The following NPIPB2 variants were observed in gnomAD, a reference collection of about 807,000 sequenced individuals.
The protein encoded by NPIPB2 is nuclear pore complex-interacting protein family member B2.
Under a neutral mutation model 30.8 loss-of-function variants are expected in NPIPB2, and 27 were observed. The ratio of observed to expected loss-of-function variants is 0.88; its 90% CI spans 0.65 to 1.21. The LOEUF (loss-of-function observed/expected upper bound fraction) is 1.21. NPIPB2 is among the 50% of genes most tolerant of loss of function. The probability of loss-of-function intolerance (pLI) is 0.00; values close to 1 mark genes in which losing one functional copy is unlikely to be tolerated. For missense variants in NPIPB2, 440 were observed against 446.2 expected (o/e 0.99, Z 0.13); for synonymous variants, 147 against 162.0 (o/e 0.91, Z 0.70).
rs1167615155 is a variant in NPIPB2 at position 11,974,730 on chromosome 16, C to T, written c.-584+1838G>A. Among the ~76,000 whole-genome samples, 4 of 152,068 alleles carry T rather than the reference C, an allele frequency of 2.6e-5. No individual in the cohort carries two copies. The South Asian group carries it at 8.3e-4, about 31-fold the overall frequency. ...GTGGGCAAAACAAGTTGGGAAAATACTCCTTCAGTCCCTTTTCCCCGATGT... is the reference window on the plus strand; with the variant it reads ...GTGGGCAAAACAAGTTGGGAAAATATTCCTTCAGTCCCTTTTCCCCGATGT... On this transcript the variant is annotated intron_variant, in intron 1 of 5. Coordinates refer to the NPIPB2 transcript ENST00000538896.
exon 4 of NPIPB2, chr16:11,933,517 T>C: frequency 6.3e-7 from 1 of 1,596,956 alleles, no homozygotes; most frequent in Non-Finnish European, 8.5e-7. Flanking sequence ...CACATCTTAC[T>C]GTTTTTTGGC....
At chr16:11,943,602 T>G (rs1267734964), upstream of NPIPB2, among the ~76,000 whole-genome samples, 3 of 150,640 alleles carry the variant, frequency 2.0e-5, no homozygotes, top group East Asian at 2.0e-4. Flanking sequence ...CTCAGAAGGC[T>G]GAGGCAGGAC....
At position 11,938,175 on chromosome 16, in the gene NPIPB2, T is replaced by G. The variant is rs1341347656; in HGVS notation, c.64-507A>C. On this transcript the variant is annotated intron_variant, in intron 1 of 7. Coordinates refer to ENST00000399147, the Ensembl canonical transcript of NPIPB2. ...CTGAGATTACAGGTCTCTGCCACCA[T>G]GCCCGACTAATTTTTGTATTTTTAG... Among the ~76,000 whole-genome samples, 13 of 151,922 alleles carry G rather than the reference T, an allele frequency of 8.6e-5. No individual in the cohort carries two copies. The East Asian group carries it at 2.5e-3, about 30-fold the overall frequency.
intron 1 of NPIPB2, among the ~76,000 whole-genome samples, chr16:11,940,553 A>G (rs985018101): frequency 9.3e-5 from 10 of 107,692 alleles, no homozygotes; most frequent in African/African-American, 2.3e-4. Context: ...CCTGGCGAAC[A>G]TGGTGAAACC....
At chr16:11,935,171 G>A (rs1260722753) in intron 2 of NPIPB2, among the ~76,000 whole-genome samples, 4 of 146,980 alleles carry the variant, frequency 2.7e-5, no homozygotes, top group Non-Finnish European at 4.5e-5. Flanking sequence ...ACTAATGACT[G>A]AATTCCCACC....
intron 1 of NPIPB2, among the ~76,000 whole-genome samples, chr16:11,971,942 T>A (rs1287958423): frequency 6.6e-6 from 1 of 151,448 alleles, no homozygotes; most frequent in Non-Finnish European, 1.5e-5. Context: ...GTCAGGAGTT[T>A]GAGACCAGCA....
At chr16:11,967,398 T>A (rs140621666) in intron 1 of NPIPB2, among the ~76,000 whole-genome samples, 1 of 152,142 alleles carries the variant, frequency 6.6e-6, no homozygotes, top group Admixed American at 6.6e-5. Context: ...CGTGGGAGGA[T>A]TGCTTGAGCC....
intron 1 of NPIPB2, among the ~76,000 whole-genome samples, chr16:11,947,326 A>ATTTATT (rs1567471976): frequency 1.5e-4 from 12 of 82,690 alleles, no homozygotes; most frequent in African/African-American, 5.2e-4. Context: ...ATTTATTTAT[A>ATTTATT]TATATATATA....
At chr16:11,972,693 T>C (rs1332556170) in intron 1 of NPIPB2, among the ~76,000 whole-genome samples, 1 of 147,970 alleles carries the variant, frequency 6.8e-6, no homozygotes, top group African/African-American at 2.5e-5. Flanking sequence ...GCCAACATGG[T>C]GAAACCCCGT....
chr16:11,950,815 T>C (rs1303996783), intron 1 of NPIPB2, among the ~76,000 whole-genome samples: 1 of 152,096 alleles, frequency 6.6e-6, no homozygotes, highest in Non-Finnish European at 1.5e-5. Flanking sequence ...AAAGTTCTCT[T>C]TCTTCGTGGA....
intron 1 of NPIPB2, among the ~76,000 whole-genome samples, chr16:11,958,061 T>C (rs562633690): frequency 6.6e-6 from 1 of 152,302 alleles, no homozygotes; most frequent in Admixed American, 6.5e-5. Flanking sequence ...AATCCTATGA[T>C]GAGAACTTTC....
intron 1 of NPIPB2, among the ~76,000 whole-genome samples, chr16:11,975,367 TC>T (rs1179399167): frequency 6.7e-6 from 1 of 149,694 alleles, no homozygotes; most frequent in East Asian, 2.0e-4. Flanking sequence ...CGGGATGGTC[TC>T]GATCTCCTGA....
intron 1 of NPIPB2, among the ~76,000 whole-genome samples, chr16:11,955,353 C>CAAAA (rs34066078): frequency 1.3e-4 from 6 of 46,572 alleles, no homozygotes; most frequent in African/African-American, 3.0e-4. Flanking sequence ...AACTCTGTGT[C>CAAAA]AAAAAAAAAA....
chr16:11,938,921 T>C (rs904661131), intron 1 of NPIPB2, among the ~76,000 whole-genome samples: 8 of 151,896 alleles, frequency 5.3e-5, no homozygotes, highest in Non-Finnish European at 1.0e-4. Flanking sequence ...CTAATTTTTG[T>C]ATTTTTAGTA....
At chr16:11,961,872 C>T (rs1397628667) in intron 1 of NPIPB2, among the ~76,000 whole-genome samples, 2 of 151,240 alleles carry the variant, frequency 1.3e-5, no homozygotes, top group Non-Finnish European at 2.9e-5. Flanking sequence ...TCTGAATAGA[C>T]AGACATAAAC....
At chr16:11,951,851 C>T (rs1035785341) in intron 1 of NPIPB2, among the ~76,000 whole-genome samples, 6 of 150,114 alleles carry the variant, frequency 4.0e-5, no homozygotes, top group African/African-American at 1.2e-4. Flanking sequence ...CAGGTTGAAA[C>T]CCCGTCTCTA....
intron 2 of NPIPB2, 77 bp downstream of exon 2, chr16:11,937,463 G>C (rs568677510): frequency 9.3e-5 from 78 of 843,242 alleles, no homozygotes; most frequent in Middle Eastern, 2.3e-4. Flanking sequence ...ATGAAGTCCA[G>C]AAATGTGAAT....
At chr16:11,965,195 A>C (rs1596506599) in intron 1 of NPIPB2, 5 of 1,221,704 alleles carry the variant, frequency 4.1e-6, no homozygotes, top group Admixed American at 2.1e-5. Flanking sequence ...AGAACCCACG[A>C]AGCAGGCGAA....
At chr16:11,972,381 C>G (rs1473461084) in intron 1 of NPIPB2, among the ~76,000 whole-genome samples, 1 of 151,992 alleles carries the variant, frequency 6.6e-6, no homozygotes, top group Non-Finnish European at 1.5e-5. Context: ...TGAAACCAGC[C>G]TGAACAACAT....
Sources: allele counts gnomAD v4.1 joint callset (sites outside exome capture counted in the v4.1 genomes callset), GRCh38; gene constraint gnomAD v4.1.1; transcripts MANE v1.5; gene names NCBI Gene and HGNC (gene_info 2026-07-23, HGNC 2026-07-21).